The following POLR1B variants were observed in gnomAD, a reference collection of about 807,000 sequenced individuals.
The protein encoded by POLR1B is DNA-directed RNA polymerase I subunit RPA2.
POLR1B carries 30 observed loss-of-function variants against 105.8 expected under a neutral mutation model. That is an observed-to-expected ratio of 0.28 (90% CI 0.21 to 0.38). The LOEUF (loss-of-function observed/expected upper bound fraction) is 0.38. Among genes scored for constraint, POLR1B ranks in the 10% least tolerant of loss-of-function variants. The pLI, the probability that POLR1B is intolerant of heterozygous loss-of-function variation, is 1.00. For missense variants in POLR1B, 976 were observed against 1,435.8 expected, an observed-to-expected ratio of 0.68 and a Z score of 5.17; for synonymous variants, 485 against 505.1, an observed-to-expected ratio of 0.96 and a Z score of 0.53.
chr2:112,559,560 T>C lies in POLR1B; in HGVS notation c.1598T>C (p.Leu533Ser). 3 of 1,614,134 alleles carry C rather than the reference T, an allele frequency of 1.9e-6. No individual in the cohort carries two copies. The highest frequency in any genetic ancestry group is 2.5e-6 in the Non-Finnish European group (3 of 1,179,944). ...GTGTATACGGCATCTATTCCAGCTT[T>C]ACTGTGCAACTTGGGTATGTAGTGT... The part of the protein sequence containing the change: ...QFVYTASIPA[L>S]LCNLGVTPID... Residue 533 changes from leucine (L) to serine (S), a missense_variant, in exon 9 of 15, where the codon TTA becomes TCA. Transcript: ENST00000263331.
rs1000045991 is a variant in POLR1B, at chr2:112,566,765, C to T, written c.1747-1202C>T. 2.9e-4 allele frequency among the ~76,000 whole-genome samples: 43 copies of T among 150,480 alleles called. 1 individual carries two copies. Among genetic ancestry groups the T allele is most frequent in the African/African-American group, 1.0e-3 (41 of 40,744 alleles). On this transcript the variant is annotated intron_variant, in intron 10 of 14. Coordinates refer to ENST00000263331, the MANE Select transcript of POLR1B (RefSeq NM_019014.6). ...TTTTTTTTTTTGAGGCAGAGTCTCG[C>T]TCTGTCGCCCAGGCTGCAGTGCAGT...
At position 112,542,621 on chromosome 2, in the gene POLR1B, G is replaced by T; in HGVS notation, c.127G>T (p.Val43Leu). 6.2e-7 allele frequency: 1 copy of T among 1,614,110 alleles called. No individual in the cohort carries two copies. The highest frequency in any genetic ancestry group is 2.2e-5 in the East Asian group (1 of 44,888). The change falls in exon 1 of 15, where the codon GTG becomes TTG. Residue 43 changes from valine (V) to leucine (L), a missense_variant. Val to Leu is a conservative substitution (Grantham distance 32). This residue lies in a region of POLR1B where 452 missense variants were observed against 616.5 expected (regional missense o/e 0.73). Coordinates refer to ENST00000263331, the MANE Select transcript of POLR1B (RefSeq NM_019014.6). ...GTTGCAGGAGCTGACGCGGGCGCAC[G>T]TGGAGTCCTTCAACTACGCTGTGCA... Reference protein sequence around the residue: ...AALQELTRAHVESFNYAVHEG... With the variant: ...AALQELTRAHLESFNYAVHEG...
intron 10 of POLR1B, among the ~76,000 whole-genome samples, chr2:112,564,754 T>C (rs1225440524): frequency 6.6e-6 from 1 of 152,252 alleles, no homozygotes; most frequent in Non-Finnish European, 1.5e-5. Context: ...TCTGCTTATC[T>C]AACTAATTTT....
intron 8 of POLR1B, among the ~76,000 whole-genome samples, chr2:112,558,915 G>A (rs1180715411): frequency 1.7e-5 from 2 of 117,342 alleles, no homozygotes; most frequent in African/African-American, 3.0e-5. Flanking sequence ...ACTGTGCCCC[G>A]CCTTTTTTTT....
At chr2:112,571,362 T>C (rs1684580413) in intron 12 of POLR1B, among the ~76,000 whole-genome samples, 1 of 152,128 alleles carries the variant, frequency 6.6e-6, no homozygotes. Flanking sequence ...CTGAAGAGGA[T>C]TGGTTTTGTT....
At position 112,550,997 on chromosome 2, in the gene POLR1B, C is replaced by A; in HGVS notation, c.757C>A (p.Leu253Ile). 6.2e-7 allele frequency: 1 copy of A among 1,613,358 alleles called. No homozygotes were observed. Among genetic ancestry groups the A allele is most frequent in the Non-Finnish European group, 8.5e-7 (1 of 1,179,310 alleles). ...GTTCTTTCTTCCTTTGGGATTTGCA[C>A]TTAAGGTATGACTTAATGAATGCAT... Reference protein sequence around the residue: ...ELFFLPLGFALKALVSFSDYQ... With the variant: ...ELFFLPLGFAIKALVSFSDYQ... The change falls in exon 5 of 15, where the codon CTT becomes ATT. Residue 253 changes from leucine (L) to isoleucine (I), a missense_variant. Around this residue, in one of 12 missense-constraint regions of POLR1B, gnomAD observed 452 missense variants for 616.5 expected, o/e 0.73. Coordinates refer to ENST00000263331, the MANE Select transcript of POLR1B (RefSeq NM_019014.6).
At chr2:112,552,138 G>C (rs986131241) in intron 6 of POLR1B, 140 bp downstream of exon 6, 8 of 593,848 alleles carry the variant, frequency 1.3e-5, no homozygotes, top group Non-Finnish European at 2.3e-5. Flanking sequence ...TGCTAGCCGG[G>C]GGCTACCTTT....
intron 7 of POLR1B, 29 bp downstream of exon 7, chr2:112,552,845 C>A: frequency 6.7e-7 from 1 of 1,495,556 alleles, no homozygotes; most frequent in Non-Finnish European, 8.9e-7. Context: ...CACCCTTGGC[C>A]AGTGGTACCA....
chr2:112,550,643 C>T, intron 4 of POLR1B: 1 of 555,048 alleles, frequency 1.8e-6, no homozygotes, highest in Non-Finnish European at 3.2e-6. Flanking sequence ...TGCTTAAATT[C>T]ATAGTTTCGG....
In POLR1B at chr2:112,574,901, G is replaced by C. The variant is rs751975668; in HGVS notation, c.2580G>C (p.Gly860=). 9.3e-6 allele frequency: 15 copies of C among 1,613,980 alleles called. No individual in the cohort carries two copies. In the East Asian group the frequency reaches 3.3e-4, roughly 36 times the overall value. The part of the protein sequence containing the change: ...DNIKVCSNDT[G]SGKFKCVCIT... ...TCAAAGTGTGCAGTAATGACACTGG[G>C]AGTGGAAAATTCAAGTGTGTTTGCA... is the stretch of plus-strand genomic sequence containing the variant. The change falls in exon 15 of 15, where the codon GGG becomes GGC. Residue 860 remains glycine, a synonymous_variant. Coordinates refer to ENST00000263331, the MANE Select transcript of POLR1B (RefSeq NM_019014.6).
rs771549649 is a variant in POLR1B at position 112,568,737 on chromosome 2, CT to C, written c.1918-8del. ...AGTTATTTTGTGCCTTGGACATCTGCTCTTCCAGATCTTCATGAATGTCGCT... is the reference window on the plus strand; with the variant it reads ...AGTTATTTTGTGCCTTGGACATCTGCCTTCCAGATCTTCATGAATGTCGCT... On this transcript the variant is annotated splice_polypyrimidine_tract_variant and splice_region_variant and intron_variant, in intron 11 of 14. Coordinates refer to ENST00000263331, the MANE Select transcript of POLR1B (RefSeq NM_019014.6). The C allele has an allele frequency of 1.9e-5, 30 of 1,613,272 alleles. No homozygotes were observed. Among genetic ancestry groups the C allele is most frequent in the Non-Finnish European group, 2.3e-5 (27 of 1,179,694 alleles).
chr2:112,551,656 C>T, intron 5 of POLR1B, 119 bp from the exon 6 acceptor site: 1 of 787,570 alleles, frequency 1.3e-6, no homozygotes, highest in African/African-American at 1.8e-5. Flanking sequence ...TTTGATTCAG[C>T]AATAGCAGAG....
In POLR1B at chr2:112,564,503, G is replaced by A; in HGVS notation, c.1746+4G>A. ...AGATTCTCTTCGTCATTTTAAGGTGGGCTTGAGGCTTTGTGAATTGTCCTA... is the reference window on the plus strand; with the variant it reads ...AGATTCTCTTCGTCATTTTAAGGTGAGCTTGAGGCTTTGTGAATTGTCCTA... On this transcript the variant is annotated splice_donor_region_variant and intron_variant, in intron 10 of 14. Coordinates refer to ENST00000263331, the MANE Select transcript of POLR1B (RefSeq NM_019014.6). 1.2e-6 allele frequency: 2 copies of A among 1,614,206 alleles called. No individual in the cohort carries two copies. The highest frequency in any genetic ancestry group is 1.1e-5 in the South Asian group (1 of 91,092).
At chr2:112,551,138 A>G in intron 5 of POLR1B, 136 bp downstream of exon 5, 2 of 898,790 alleles carry the variant, frequency 2.2e-6, no homozygotes, top group Non-Finnish European at 3.5e-6. Flanking sequence ...TTACGTCAAA[A>G]TTCAATAGCT....
At position 112,575,611 on chromosome 2, in the gene POLR1B, A is replaced by G. The variant is rs745916883; in HGVS notation, c.3290A>G (p.Asn1097Ser). ...SWSAMRNRKYNCTLCSRSDTI... is the reference protein window; with the variant it reads ...SWSAMRNRKYSCTLCSRSDTI... ...TCTGCCATGCGCAACAGAAAATACA[A>G]CTGTACTCTGTGTAGTCGCAGTGAC... The change falls in exon 15 of 15, where the codon AAC becomes AGC. Residue 1097 changes from asparagine (N) to serine (S), a missense_variant. Around this residue, in one of 12 missense-constraint regions of POLR1B, gnomAD observed 77 missense variants for 104.5 expected, o/e 0.74. Coordinates refer to ENST00000263331, the MANE Select transcript of POLR1B (RefSeq NM_019014.6). The surrounding 1 kb of genome is among the most constrained non-coding windows in gnomAD (Gnocchi z 5.3). 3.7e-6 allele frequency: 6 copies of G among 1,614,118 alleles called. No homozygotes were observed. The highest frequency in any genetic ancestry group is 3.3e-5 in the Admixed American group (2 of 60,006).
At position 112,546,316 on chromosome 2, in the gene POLR1B, C is replaced by T. The variant is rs11902123; in HGVS notation, c.178-696C>T. ...AGTCTTAAATCCTAAAGGATGTTTC[C>T]GTATCCTTGCTCTATTAGCAGTAGT... On this transcript the variant is annotated intron_variant, in intron 1 of 14. Transcript: ENST00000263331. Among the ~76,000 whole-genome samples, 579 of 152,202 alleles carry T rather than the reference C, an allele frequency of 3.8e-3. 2 individuals carry two copies. The highest frequency in any genetic ancestry group is 0.013 in the African/African-American group (551 of 41,546).
In POLR1B at chr2:112,542,616, C is replaced by T; in HGVS notation, c.122C>T (p.Ala41Val). The T allele has an allele frequency of 6.2e-7, 1 of 1,614,134 alleles. No individual in the cohort carries two copies. Among genetic ancestry groups the T allele is most frequent in the Non-Finnish European group, 8.5e-7 (1 of 1,180,028 alleles). ...QKAALQELTR[A>V]HVESFNYAVH... The stretch of plus-strand genomic sequence containing the variant: ...GCAGCGTTGCAGGAGCTGACGCGGG[C>T]GCACGTGGAGTCCTTCAACTACGCT... Residue 41 changes from alanine to valine, a missense_variant, in exon 1 of 15, where the codon GCG becomes GTG. By Grantham distance (64) the Ala-to-Val change is moderately conservative. Around this residue, in one of 12 missense-constraint regions of POLR1B, gnomAD observed 452 missense variants for 616.5 expected, o/e 0.73. Transcript: ENST00000263331.
At chr2:112,545,646 G>GT (rs34661360) in intron 1 of POLR1B, among the ~76,000 whole-genome samples, 80,879 of 147,842 alleles carry the variant, frequency 0.55, 22,194 homozygotes, top group Middle Eastern at 0.68. Context: ...ACTTCATTCT[G>GT]TTTTTTTTTT....
At chr2:112,555,950 G>T (rs1434158516) in intron 7 of POLR1B, among the ~76,000 whole-genome samples, 1 of 152,078 alleles carries the variant, frequency 6.6e-6, no homozygotes, top group Admixed American at 6.5e-5. Flanking sequence ...CTGTATTATT[G>T]TAGATTAACC....
Sources: allele counts gnomAD v4.1 joint callset (sites outside exome capture counted in the v4.1 genomes callset), GRCh38; gene constraint gnomAD v4.1.1; regional missense constraint gnomAD v4.1.1; non-coding constraint Gnocchi (gnomAD v3.1); transcripts MANE v1.5; gene names NCBI Gene and HGNC (gene_info 2026-07-23, HGNC 2026-07-21).